Variants in SLC1A1 observed in about 807,000 individuals in gnomAD.
The protein encoded by SLC1A1 is excitatory amino acid transporter 3.
In SLC1A1, 43 loss-of-function variants were observed where a neutral mutation model predicts 53.3. That is an observed-to-expected ratio of 0.81 (90% CI 0.63 to 1.04). The LOEUF (loss-of-function observed/expected upper bound fraction) is 1.04, where lower values mean the gene tolerates loss of function less well. Ranked by LOEUF, SLC1A1 falls within the 50% of genes least tolerant of loss-of-function variation. The pLI is 0.00. For synonymous variants in SLC1A1, 307 were observed against 243.2 expected (o/e 1.26, Z -2.44); for missense variants, 748 against 664.9 (o/e 1.12, Z -1.37).
chr9:4,511,732 A>G (rs1821008275), intron 1 of SLC1A1, among the ~76,000 whole-genome samples: 1 of 152,186 alleles, frequency 6.6e-6, no homozygotes, highest in Admixed American at 6.5e-5. Context: ...CCAGTGCAAC[A>G]GGGCAAGAAA....
intron 1 of SLC1A1, among the ~76,000 whole-genome samples, chr9:4,502,693 T>C (rs1473996708): frequency 6.6e-6 from 1 of 151,736 alleles, no homozygotes; most frequent in Non-Finnish European, 1.5e-5. Context: ...AAGCTTAGGT[T>C]ACTAATTATT....
Position 4,559,322 on chromosome 9 carries a change from T to G in SLC1A1, c.233-2127T>G, listed in dbSNP as rs78816932. The stretch of plus-strand genomic sequence containing the variant: ...TGCACAATCTTTTCTCAGTGGTTGA[T>G]GAATGGCGCCTTAACAACATCCTGG... On this transcript the variant is annotated intron_variant, in intron 2 of 11. Coordinates refer to ENST00000262352, the MANE Select transcript of SLC1A1 (RefSeq NM_004170.6). Among the ~76,000 whole-genome samples, 1,139 of 152,334 alleles carry G rather than the reference T, an allele frequency of 7.5e-3. 7 individuals are homozygous for G. The highest frequency in any genetic ancestry group is 0.011 in the Non-Finnish European group (767 of 68,038).
intron 5 of SLC1A1, among the ~76,000 whole-genome samples, chr9:4,567,055 G>C (rs1167329097): frequency 6.6e-6 from 1 of 152,118 alleles, no homozygotes; most frequent in Admixed American, 6.5e-5. Flanking sequence ...GCCTGGTAGT[G>C]GGGGACATTT....
At position 4,549,790 on chromosome 9, in the gene SLC1A1, C is replaced by T. The variant is rs1472242658; in HGVS notation, c.232+5083C>T. ...CTTCCATAGACTCCATACCATAGTACCTGCTGGGTTATTGCAACCACCCTG... is the reference window on the plus strand; with the variant it reads ...CTTCCATAGACTCCATACCATAGTATCTGCTGGGTTATTGCAACCACCCTG... On this transcript the variant is annotated intron_variant, in intron 2 of 11. Transcript: ENST00000262352. This position sits in a 1 kb window ranked among gnomAD's most constrained non-coding sequence, Gnocchi z 4.1. 6.6e-6 allele frequency among the ~76,000 whole-genome samples: 1 copy of T among 152,178 alleles called. No individual in the cohort carries two copies. The highest frequency in any genetic ancestry group is 1.5e-5 in the Non-Finnish European group (1 of 68,032).
At chr9:4,531,998 G>A (rs1253923783) in intron 1 of SLC1A1, among the ~76,000 whole-genome samples, 1 of 152,168 alleles carries the variant, frequency 6.6e-6, no homozygotes, top group Non-Finnish European at 1.5e-5. Flanking sequence ...TGAGGGTCCT[G>A]ACCGTTAGAA....
At chr9:4,491,572 G>A (rs1246848023) in intron 1 of SLC1A1, among the ~76,000 whole-genome samples, 2 of 152,244 alleles carry the variant, frequency 1.3e-5, no homozygotes, top group Non-Finnish European at 2.9e-5. Flanking sequence ...ACTGGACCAG[G>A]TGGATGTCTG....
intron 1 of SLC1A1, among the ~76,000 whole-genome samples, chr9:4,531,218 T>C (rs534051112): frequency 2.4e-4 from 36 of 152,280 alleles, no homozygotes; most frequent in African/African-American, 7.7e-4. Flanking sequence ...TGCAGGACAG[T>C]GGGTGCAGTG....
chr9:4,535,227 G>A (rs1263440351), intron 1 of SLC1A1, among the ~76,000 whole-genome samples: 1 of 152,166 alleles, frequency 6.6e-6, no homozygotes, highest in African/African-American at 2.4e-5. Flanking sequence ...GCTGGAGAAG[G>A]AAATAAAGGG....
intron 3 of SLC1A1, 58 bp downstream of exon 3, chr9:4,561,599 A>T: frequency 9.2e-7 from 1 of 1,085,972 alleles, no homozygotes; most frequent in South Asian, 1.2e-5. Flanking sequence ...TTCATTCGAA[A>T]AGTAGTTGGT....
intron 11 of SLC1A1, among the ~76,000 whole-genome samples, chr9:4,584,051 T>C (rs2129885904): frequency 6.6e-6 from 1 of 152,350 alleles, no homozygotes; most frequent in Admixed American, 6.5e-5. Flanking sequence ...GGTCTGGCTC[T>C]GTCCCCTGGC....
At chr9:4,496,842 A>T (rs1415312087) in intron 1 of SLC1A1, among the ~76,000 whole-genome samples, 1 of 152,164 alleles carries the variant, frequency 6.6e-6, no homozygotes, top group East Asian at 1.9e-4. Flanking sequence ...GGCTGCAGGG[A>T]GCTTGATCAC....
At position 4,490,629 on chromosome 9, in the gene SLC1A1, C is replaced by G. The variant is rs761973637; in HGVS notation, c.-51C>G. On this transcript the variant is annotated 5_prime_UTR_variant, in exon 1 of 12. Coordinates refer to ENST00000262352, the MANE Select transcript of SLC1A1 (RefSeq NM_004170.6). ...CGAGCAGCCAGCAGTCCCCGGGTCG[C>G]CCAGCCCACGCGCGCACGGCCGAGC... The G allele has an allele frequency of 4.6e-6, 7 of 1,522,444 alleles. No homozygotes were observed. The South Asian group carries it at 6.9e-5, about 15-fold the overall frequency. The allele number at this position is 1,522,444 out of a possible 1,614,324, so 94.3% of individuals were successfully genotyped here.
intron 2 of SLC1A1, among the ~76,000 whole-genome samples, chr9:4,557,241 A>C (rs937756978): frequency 2.0e-5 from 3 of 152,268 alleles, no homozygotes; most frequent in African/African-American, 7.2e-5. Flanking sequence ...AATAAGCTTC[A>C]GGCCTTACAG....
At chr9:4,514,923 A>G (rs1371909217) in intron 1 of SLC1A1, among the ~76,000 whole-genome samples, 1 of 152,028 alleles carries the variant, frequency 6.6e-6, no homozygotes, top group African/African-American at 2.4e-5. Context: ...ATTACTTTAC[A>G]TTACAGTGTA....
At chr9:4,552,483 C>T (rs1022383120) in intron 2 of SLC1A1, among the ~76,000 whole-genome samples, 13 of 152,000 alleles carry the variant, frequency 8.6e-5, no homozygotes, top group African/African-American at 3.1e-4. Flanking sequence ...GAAACGTGGG[C>T]AAGAGGAATG....
intron 1 of SLC1A1, among the ~76,000 whole-genome samples, chr9:4,521,063 T>C (rs146396439): frequency 3.3e-5 from 5 of 152,366 alleles, no homozygotes; most frequent in Non-Finnish European, 7.3e-5. Flanking sequence ...TGTCCATTTG[T>C]ATATCTTCAT....
At chr9:4,551,890 C>T (rs1199230318) in intron 2 of SLC1A1, among the ~76,000 whole-genome samples, 1 of 152,150 alleles carries the variant, frequency 6.6e-6, no homozygotes, top group Non-Finnish European at 1.5e-5. Flanking sequence ...TTCTGAAATG[C>T]CTGGCCTCCA....
intron 10 of SLC1A1, among the ~76,000 whole-genome samples, chr9:4,580,822 T>C (rs1178132698): frequency 1.3e-5 from 2 of 152,008 alleles, no homozygotes; most frequent in Admixed American, 6.6e-5. Context: ...ACAGCAGCAA[T>C]AGAGGAAGCA....
At chr9:4,563,654 C>T (rs912933259) in intron 3 of SLC1A1, among the ~76,000 whole-genome samples, 2 of 152,224 alleles carry the variant, frequency 1.3e-5, no homozygotes, top group African/African-American at 4.8e-5. Flanking sequence ...GTCTCTTCTA[C>T]AGCCTCCCAT....
Sources: gnomAD v4.1 joint callset for allele counts (sites outside exome capture counted in the v4.1 genomes callset) on GRCh38, gnomAD v4.1.1 for gene constraint, Gnocchi (gnomAD v3.1) non-coding constraint, MANE v1.5 for transcripts, NCBI Gene and HGNC (gene_info 2026-07-23, HGNC 2026-07-21) for gene names.